The following TEX10 variants were observed in gnomAD, a reference collection of about 807,000 sequenced individuals.
TEX10 encodes the protein testis-expressed protein 10.
TEX10 carries 24 observed loss-of-function variants against 104.4 expected under a neutral mutation model. That is an observed-to-expected ratio of 0.23 (90% confidence interval 0.17 to 0.32). The LOEUF is 0.32. Ranked by LOEUF, TEX10 falls within the 10% of genes least tolerant of loss-of-function variation. The pLI is 1.00. For missense variants in TEX10, 921 were observed against 1,083.9 expected, an observed-to-expected ratio of 0.85 and a Z score of 2.11; for synonymous variants, 396 against 393.4, an observed-to-expected ratio of 1.01 and a Z score of -0.08.
chr9:100,316,991 T>C (rs897821280), intron 11 of TEX10, among the ~76,000 whole-genome samples: 3 of 147,932 alleles, frequency 2.0e-5, no homozygotes, highest in Non-Finnish European at 4.5e-5. Flanking sequence ...AAAGAAAATG[T>C]AGATGACACA....
intron 9 of TEX10, among the ~76,000 whole-genome samples, chr9:100,324,102 A>T (rs955292227): frequency 2.0e-5 from 3 of 152,042 alleles, no homozygotes; most frequent in Non-Finnish European, 4.4e-5. Context: ...GCATGATCTC[A>T]GCTCACTACA....
intron 4 of TEX10, among the ~76,000 whole-genome samples, chr9:100,342,881 C>G (rs536990132): frequency 6.6e-6 from 1 of 152,244 alleles, no homozygotes; most frequent in East Asian, 1.9e-4. Context: ...GGCGCGTTGG[C>G]TCATGCCTGT....
chr9:100,305,828 A>C (rs1404815286), intron 13 of TEX10: 1 of 152,242 alleles, frequency 6.6e-6, no homozygotes, highest in Non-Finnish European at 1.5e-5. Context: ...CTTGCACAGA[A>C]TGGGAAGCCA....
intron 13 of TEX10, chr9:100,307,176 T>A (rs2118827551): frequency 2.0e-5 from 3 of 152,296 alleles, no homozygotes; most frequent in Admixed American, 2.0e-4. Context: ...ATGCTGACAA[T>A]AAAATGGCTA....
chr9:100,352,368 C>G, intron 1 of TEX10: 1 of 1,551,076 alleles, frequency 6.4e-7, no homozygotes, highest in East Asian at 2.4e-5. Context: ...GGGACGCCAG[C>G]TCATCCCCAC....
chr9:100,317,401 A>C (rs1324369917), intron 11 of TEX10, among the ~76,000 whole-genome samples: 1 of 152,196 alleles, frequency 6.6e-6, no homozygotes, highest in African/African-American at 2.4e-5. Context: ...GAGATAGGAC[A>C]ACTTTTACAA....
At chr9:100,307,983 T>C (rs1290579911) in intron 13 of TEX10, 5 of 152,184 alleles carry the variant, frequency 3.3e-5, no homozygotes, top group Non-Finnish European at 7.3e-5. Context: ...CATAAAATAC[T>C]TTTTAAAATT....
chr9:100,319,674 C>T (rs776160391), intron 11 of TEX10, among the ~76,000 whole-genome samples: 24 of 151,982 alleles, frequency 1.6e-4, no homozygotes, highest in Admixed American at 1.3e-4. Context: ...GGTGCAGTGG[C>T]GCCTGCCTGT....
chr9:100,317,546 C>A (rs1185513694), intron 11 of TEX10, among the ~76,000 whole-genome samples: 2 of 152,060 alleles, frequency 1.3e-5, no homozygotes, highest in Non-Finnish European at 2.9e-5. Flanking sequence ...TAAGAATCTA[C>A]AGAAAACTCT....
intron 13 of TEX10, among the ~76,000 whole-genome samples, chr9:100,308,099 T>G (rs1211595219): frequency 6.6e-6 from 1 of 152,184 alleles, no homozygotes; most frequent in African/African-American, 2.4e-5. Flanking sequence ...TTTCCTTAAA[T>G]CCAAGATTTT....
chr9:100,329,411 T>C (rs1404304360), intron 6 of TEX10, 136 bp from the exon 7 acceptor site: 4 of 938,994 alleles, frequency 4.3e-6, no homozygotes, highest in African/African-American at 1.7e-5. Flanking sequence ...ACAACTACCA[T>C]TGAAGTCCTA....
intron 8 of TEX10, among the ~76,000 whole-genome samples, chr9:100,326,718 C>T (rs886977839): frequency 6.6e-6 from 1 of 152,054 alleles, no homozygotes; most frequent in African/African-American, 2.4e-5. Flanking sequence ...ATACAAGTGT[C>T]TTGTTAGAAA....
chr9:100,329,804 T>C (rs1834809100), intron 6 of TEX10, 127 bp downstream of exon 6: 2 of 837,156 alleles, frequency 2.4e-6, no homozygotes, highest in East Asian at 4.9e-5. Flanking sequence ...AGTAGCTACC[T>C]TTTATGGCTT....
chr9:100,346,742 T>A lies in TEX10; in HGVS notation c.845A>T (p.Tyr282Phe). The change falls in exon 3 of 15, where the codon TAT becomes TTT. Residue 282 changes from tyrosine to phenylalanine, a missense_variant. Around this residue, in one of 3 missense-constraint regions of TEX10, gnomAD observed 753 missense variants for 868.4 expected, o/e 0.87. Coordinates refer to ENST00000374902, the MANE Select transcript of TEX10 (RefSeq NM_017746.4). Reference protein sequence around the residue: ...HANDQQHIQVYENGGSQPNVS... With the variant: ...HANDQQHIQVFENGGSQPNVS... ...ATTTGGCTGTGAACCCCCATTTTCATAAACCTGGATGTGTTGCTGGTCGTT... is the reference window on the plus strand; with the variant it reads ...ATTTGGCTGTGAACCCCCATTTTCAAAAACCTGGATGTGTTGCTGGTCGTT... 1 of 1,614,096 alleles carries A rather than the reference T, an allele frequency of 6.2e-7. No individual in the cohort carries two copies. The highest frequency in any genetic ancestry group is 1.1e-5 in the South Asian group (1 of 91,086).
intron 3 of TEX10, 147 bp from the exon 4 acceptor site, chr9:100,346,462 T>G (rs776872599): frequency 2.1e-5 from 23 of 1,121,658 alleles, no homozygotes; most frequent in Non-Finnish European, 2.5e-5. Context: ...AAAAATGAAA[T>G]TCTAAGATGA....
chr9:100,323,461 GCTTT>G (rs1336027019), intron 9 of TEX10, among the ~76,000 whole-genome samples: 1 of 152,116 alleles, frequency 6.6e-6, no homozygotes, highest in East Asian at 1.9e-4. Flanking sequence ...CCGTATTTAT[GCTTT>G]CTGTTTCCCC....
At position 100,338,216 on chromosome 9, in the gene TEX10, T is replaced by A. The variant is rs955697222; in HGVS notation, c.1250+2041A>T. On this transcript the variant is annotated intron_variant, in intron 5 of 14. Coordinates refer to ENST00000374902, the MANE Select transcript of TEX10 (RefSeq NM_017746.4). Reference sequence around the variant, plus strand: ...TTTTTGTTTCCTATTGCTGCCAGTGTTGATCGGCAGCTCTTCTTCAGGTCA... The same window carrying A: ...TTTTTGTTTCCTATTGCTGCCAGTGATGATCGGCAGCTCTTCTTCAGGTCA... Among the ~76,000 whole-genome samples, 4 of 152,362 alleles carry A rather than the reference T, an allele frequency of 2.6e-5. No homozygotes were observed. The East Asian group carries it at 7.7e-4, about 29-fold the overall frequency.
At chr9:100,314,716 G>T (rs1340327482) in intron 11 of TEX10, among the ~76,000 whole-genome samples, 1 of 151,978 alleles carries the variant, frequency 6.6e-6, no homozygotes, top group Non-Finnish European at 1.5e-5. Context: ...ATTTCATTTA[G>T]TTCTGCTCTA....
At chr9:100,343,977 T>C (rs1225417915) in intron 4 of TEX10, among the ~76,000 whole-genome samples, 1 of 152,240 alleles carries the variant, frequency 6.6e-6, no homozygotes, top group Admixed American at 6.5e-5. Context: ...TCATTTTGTA[T>C]AGAATGCTAC....
Sources: gnomAD v4.1 joint callset for allele counts (sites outside exome capture counted in the v4.1 genomes callset) on GRCh38, gnomAD v4.1.1 for gene constraint, gnomAD v4.1.1 regional missense constraint, MANE v1.5 for transcripts, NCBI Gene and HGNC (gene_info 2026-07-23, HGNC 2026-07-21) for gene names.